LBH: variants seen among roughly 807,000 people sequenced by gnomAD.
LBH encodes the protein protein LBH.
LBH carries 7 observed loss-of-function variants against 12.5 expected under a neutral mutation model. The ratio of observed to expected loss-of-function variants is 0.56; its 90% confidence interval spans 0.32 to 1.05. The LOEUF is 1.05. Ranked by LOEUF, LBH falls within the 50% of genes least tolerant of loss-of-function variation. The pLI is 0.04. For missense variants in LBH, 119 were observed against 138.9 expected, an observed-to-expected ratio of 0.86 and a Z score of 0.72; for synonymous variants, 51 against 50.1, an observed-to-expected ratio of 1.02 and a Z score of -0.08.
Position 30,231,582 on chromosome 2 carries a change from C to T in LBH, c.-157C>T, listed in dbSNP as rs1386585787. The T allele has an allele frequency of 4.4e-6, 3 of 679,348 alleles. No homozygotes were observed. The highest frequency in any genetic ancestry group is 3.2e-5 in the East Asian group (1 of 30,840). The allele number at this position is 679,348 out of a possible 1,614,324, so 42.1% of individuals were successfully genotyped here. A position where few individuals can be genotyped will look rare whatever the true frequency, so the allele number is the denominator to read the frequency against. On this transcript the variant is annotated 5_prime_UTR_variant, in exon 1 of 3. Transcript: ENST00000395323. ...GGAGTTGTGTCCACCTTGCCGACGT[C>T]GCTAGCCGTGGGGCTGTCCTGGGAA...
chr2:30,237,133 G>A (rs1018034498), intron 2 of LBH, among the ~76,000 whole-genome samples: 2 of 152,206 alleles, frequency 1.3e-5, no homozygotes, highest in South Asian at 2.1e-4. Flanking sequence ...AGGGGATCTC[G>A]GAGCTCTGTT....
At chr2:30,232,006 G>T in intron 1 of LBH, 4 of 1,100,622 alleles carry the variant, frequency 3.6e-6, no homozygotes, top group Non-Finnish European at 5.0e-6. Context: ...AGTGACGGCC[G>T]GAGGGTTTGT....
chr2:30,254,901 G>A (rs945673064), intron 2 of LBH, among the ~76,000 whole-genome samples: 2 of 152,268 alleles, frequency 1.3e-5, no homozygotes, highest in Non-Finnish European at 2.9e-5. Flanking sequence ...CTCCTGGGCT[G>A]GGGCCCTCAC....
At position 30,259,709 on chromosome 2, in the gene LBH, T is replaced by G. The variant is rs1678162810; in HGVS notation, c.*2088T>G. 1 of 152,650 alleles carries G rather than the reference T, an allele frequency of 6.6e-6. No homozygotes were observed. Among genetic ancestry groups the G allele is most frequent in the East Asian group, 1.9e-4 (1 of 5,190 alleles). The allele number at this position is 152,650 out of a possible 1,614,324, so 9.5% of individuals were successfully genotyped here. On this transcript the variant is annotated 3_prime_UTR_variant, in exon 3 of 3. Transcript: ENST00000395323. ...CCACTTTGTATGACCGTTTGCAGTC[T>G]GAGCAGGCCAGGGGCTGACAGCTAA...
chr2:30,236,329 C>G (rs1200226018), intron 2 of LBH, among the ~76,000 whole-genome samples: 5 of 152,188 alleles, frequency 3.3e-5, no homozygotes, highest in Non-Finnish European at 7.3e-5. Flanking sequence ...CCTGGGGCTG[C>G]AAGGGCAGCA....
chr2:30,235,229 A>G (rs1677668964), intron 2 of LBH, among the ~76,000 whole-genome samples: 1 of 151,896 alleles, frequency 6.6e-6, no homozygotes, highest in Non-Finnish European at 1.5e-5. Flanking sequence ...TGGGGGTGGG[A>G]GCAATGGAGC....
At chr2:30,253,393 T>C (rs1678021824) in intron 2 of LBH, among the ~76,000 whole-genome samples, 1 of 152,216 alleles carries the variant, frequency 6.6e-6, no homozygotes, top group African/African-American at 2.4e-5. Context: ...AGCTACAATT[T>C]TGAGGCCCAA....
intron 1 of LBH, among the ~76,000 whole-genome samples, chr2:30,233,698 A>G (rs1031505388): frequency 6.6e-6 from 1 of 152,262 alleles, no homozygotes; most frequent in Non-Finnish European, 1.5e-5. Context: ...GCCCCTCTGG[A>G]AATTTCCTTT....
At position 30,257,797 on chromosome 2, in the gene LBH, T is replaced by C. The variant is rs947929568; in HGVS notation, c.*176T>C. The C allele has an allele frequency of 1.3e-5, 7 of 540,390 alleles. No individual in the cohort carries two copies. Among genetic ancestry groups the C allele is most frequent in the Middle Eastern group, 9.6e-4 (2 of 2,084 alleles). 33.5% of individuals were successfully genotyped at this position (540,390 alleles called of 1,614,324 possible). On this transcript the variant is annotated 3_prime_UTR_variant, in exon 3 of 3. Transcript: ENST00000395323. ...TTTCTTTTCTTTTCTTGCCTTTTTT[T>C]TTTTTTGAAATTTGCCGAGCAGTGG...
rs75731730 is a variant in LBH at position 30,234,776 on chromosome 2, C to T, written c.129+269C>T. ...CTGGGACAGATAAGGGCTCAGCAAG[C>T]ATTAGCCATTGTGATGAATTGACCC... On this transcript the variant is annotated intron_variant, in intron 2 of 2. Coordinates refer to ENST00000395323, the MANE Select transcript of LBH (RefSeq NM_030915.4). Among the ~76,000 whole-genome samples the T allele has an allele frequency of 4.4e-3, 666 of 152,294 alleles. 6 individuals are homozygous for T. Among genetic ancestry groups the T allele is most frequent in the African/African-American group, 0.015 (635 of 41,554 alleles).
At position 30,231,700 on chromosome 2, in the gene LBH, T is replaced by G; in HGVS notation, c.-39T>G. Reference sequence around the variant, plus strand: ...TCACTCGGGACGCAGGGACCGTTTTTAAATCACAGGGGCGTGTGTCAGCCT... The same window carrying G: ...TCACTCGGGACGCAGGGACCGTTTTGAAATCACAGGGGCGTGTGTCAGCCT... On this transcript the variant is annotated 5_prime_UTR_variant, in exon 1 of 3. Transcript: ENST00000395323. The G allele has an allele frequency of 6.3e-7, 1 of 1,585,484 alleles. No homozygotes were observed. Among genetic ancestry groups the G allele is most frequent in the East Asian group, 2.4e-5 (1 of 42,064 alleles).
intron 2 of LBH, among the ~76,000 whole-genome samples, chr2:30,256,301 AAAG>A (rs1371658534): frequency 3.3e-5 from 5 of 152,168 alleles, no homozygotes; most frequent in Middle Eastern, 3.2e-3. Flanking sequence ...GACTCTGGAA[AAAG>A]AAGTAGACTC....
Position 30,259,750 on chromosome 2 carries a change from C to T in LBH, c.*2129C>T, listed in dbSNP as rs907635850. ...TGACAGCTAATGTCAGGACCCTCAG[C>T]GGTGGAGCCTGCTGGGGGGACCCAG... On this transcript the variant is annotated 3_prime_UTR_variant, in exon 3 of 3. Transcript: ENST00000395323. 2.6e-5 allele frequency: 4 copies of T among 152,058 alleles called. No individual in the cohort carries two copies. Among genetic ancestry groups the T allele is most frequent in the African/African-American group, 4.8e-5 (2 of 41,260 alleles). 9.4% of individuals were successfully genotyped at this position (152,058 alleles called of 1,614,324 possible). A position where few individuals can be genotyped will look rare whatever the true frequency, so the allele number is the denominator to read the frequency against.
chr2:30,243,200 C>G (rs11676884), intron 2 of LBH, among the ~76,000 whole-genome samples: 1 of 151,980 alleles, frequency 6.6e-6, no homozygotes, highest in Admixed American at 6.6e-5. Context: ...TGATGATGTT[C>G]AAGCAACATT....
intron 1 of LBH, 51 bp from the exon 2 acceptor site, chr2:30,234,354 G>C: frequency 7.3e-7 from 1 of 1,374,020 alleles, no homozygotes; most frequent in Non-Finnish European, 1.0e-6. Context: ...GAAGAGTTAG[G>C]AATGTGAAAG....
chr2:30,244,915 A>T (rs1229596588), intron 2 of LBH, among the ~76,000 whole-genome samples: 1 of 152,154 alleles, frequency 6.6e-6, no homozygotes, highest in Non-Finnish European at 1.5e-5. Flanking sequence ...AACAAACAGA[A>T]AAAAAAGAAA....
At chr2:30,239,407 C>G (rs1415358189) in intron 2 of LBH, among the ~76,000 whole-genome samples, 1 of 152,208 alleles carries the variant, frequency 6.6e-6, no homozygotes, top group East Asian at 1.9e-4. Context: ...CTCCTCATTA[C>G]CCCTGTCTCA....
chr2:30,233,721 G>A (rs1172049463), intron 1 of LBH, among the ~76,000 whole-genome samples: 3 of 152,236 alleles, frequency 2.0e-5, no homozygotes, highest in South Asian at 4.1e-4. Context: ...AGTCAGAGTC[G>A]GGTATCCTTA....
chr2:30,250,182 G>T (rs1677954785), intron 2 of LBH, among the ~76,000 whole-genome samples: 1 of 152,186 alleles, frequency 6.6e-6, no homozygotes, highest in South Asian at 2.1e-4. Flanking sequence ...TTACTTCTCT[G>T]CAACAAGAGA....
Sources: gnomAD v4.1 joint callset for allele counts (sites outside exome capture counted in the v4.1 genomes callset) on GRCh38, gnomAD v4.1.1 for gene constraint, MANE v1.5 for transcripts, NCBI Gene and HGNC (gene_info 2026-07-23, HGNC 2026-07-21) for gene names.